Variants in CACNA1C observed in about 807,000 individuals in gnomAD.
CACNA1C encodes the protein calcium voltage-gated channel subunit alpha1 C.
CACNA1C carries 30 observed loss-of-function variants against 229.0 expected under a neutral mutation model. The observed-to-expected ratio is 0.13, with a 90% CI of 0.10 to 0.18. CACNA1C has a LOEUF of 0.18. CACNA1C is among the 10% of genes least tolerant of loss of function. The pLI is 1.00. For synonymous variants in CACNA1C, 1,114 were observed against 1,132.5 expected (o/e 0.98, Z 0.33); for missense variants, 1,658 against 2,845.0 (o/e 0.58, Z 9.49).
chr12:2,227,704 G>A (rs1403188891), intron 3 of CACNA1C, among the ~76,000 whole-genome samples: 1 of 152,074 alleles, frequency 6.6e-6, no homozygotes, highest in African/African-American at 2.4e-5. Context: ...TTTTTGGTTT[G>A]ACCTACTATA....
At chr12:2,400,051 G>C (rs976339380) in intron 3 of CACNA1C, among the ~76,000 whole-genome samples, 2 of 152,178 alleles carry the variant, frequency 1.3e-5, no homozygotes, top group Non-Finnish European at 2.9e-5. Context: ...TGAAAGCAAG[G>C]GGGGTGTATT....
chr12:2,332,903 A>G (rs986199788), intron 3 of CACNA1C, among the ~76,000 whole-genome samples: 12 of 152,212 alleles, frequency 7.9e-5, no homozygotes, highest in Non-Finnish European at 1.8e-4. Flanking sequence ...TTTTTTAGTA[A>G]TATCACATTT....
At position 2,319,136 on chromosome 12, in the gene CACNA1C, C is replaced by G. The variant is rs2095841586; in HGVS notation, c.478-129840C>G. On this transcript the variant is annotated intron_variant, in intron 3 of 46. Coordinates refer to ENST00000399655, the MANE Select transcript of CACNA1C (RefSeq NM_000719.7). The surrounding 1 kb of genome is among the most constrained non-coding windows in gnomAD (Gnocchi z 4.0). ...TCGGCTCCTTTTCCTACCCCATCAC[C>G]TACCTGTCACCTGTCCTGGGCAGGC... Among the ~76,000 whole-genome samples the G allele has an allele frequency of 6.6e-6, 1 of 152,024 alleles. No individual in the cohort carries two copies. The highest frequency in any genetic ancestry group is 6.5e-5 in the Admixed American group (1 of 15,280).
intron 5 of CACNA1C, among the ~76,000 whole-genome samples, chr12:2,480,314 C>G (rs577175476): frequency 3.9e-5 from 6 of 152,308 alleles, no homozygotes; most frequent in Non-Finnish European, 7.3e-5. Context: ...ACCAGGTCCT[C>G]TCCCCATTCA....
chr12:2,501,948 G>C (rs998463506), intron 7 of CACNA1C, among the ~76,000 whole-genome samples: 1 of 152,234 alleles, frequency 6.6e-6, no homozygotes, highest in African/African-American at 2.4e-5. Context: ...TTTAACAATT[G>C]CCGACTTCTG....
chr12:2,478,419 C>T (rs886364602), intron 5 of CACNA1C, among the ~76,000 whole-genome samples: 4 of 152,134 alleles, frequency 2.6e-5, no homozygotes, highest in Non-Finnish European at 4.4e-5. Flanking sequence ...ACTTGAGACC[C>T]GGTTAGAAAT....
intron 3 of CACNA1C, among the ~76,000 whole-genome samples, chr12:2,350,521 A>G (rs60226197): frequency 0.011 from 1,694 of 152,304 alleles, 26 homozygotes; most frequent in African/African-American, 0.038. Context: ...AGAAAGAGAA[A>G]GATCAAGGGG....
chr12:2,408,494 C>CTTT (rs61026675), intron 3 of CACNA1C, among the ~76,000 whole-genome samples: 1 of 137,680 alleles, frequency 7.3e-6, no homozygotes, highest in Non-Finnish European at 1.6e-5. Flanking sequence ...CTAATTGGGG[C>CTTT]TTTTTTTTTT....
chr12:2,370,802 A>G (rs1028262395), intron 3 of CACNA1C, among the ~76,000 whole-genome samples: 5 of 152,198 alleles, frequency 3.3e-5, no homozygotes, highest in Non-Finnish European at 7.3e-5. Flanking sequence ...GGGGGATTTC[A>G]CTGCCCCAGG....
chr12:2,440,833 TTCTCCAACTCA>T (rs2099216863), intron 3 of CACNA1C, among the ~76,000 whole-genome samples: 1 of 152,210 alleles, frequency 6.6e-6, no homozygotes, highest in South Asian at 2.1e-4. Context: ...GCCTCTTACA[TTCTCCAACTCA>T]TCGATGCGCT....
rs564990323 is a variant in CACNA1C at position 2,420,102 on chromosome 12, GGTGTGTGTGTGTGTGTGT to G, written c.478-28845_478-28828del. Reference sequence around the variant, plus strand: ...CAGGGTAATCAGACTTAGGCAAAATGGTGTGTGTGTGTGTGTGTGTGTGTGTGTGTGTGTGTGTGTGTG... The same window carrying G: ...CAGGGTAATCAGACTTAGGCAAAATGGTGTGTGTGTGTGTGTGTGTGTGTG... On this transcript the variant is annotated intron_variant, in intron 3 of 46. Coordinates refer to ENST00000399655, the MANE Select transcript of CACNA1C (RefSeq NM_000719.7). 6.4e-5 allele frequency among the ~76,000 whole-genome samples: 8 copies of G among 125,494 alleles called. No individual in the cohort carries two copies. In the South Asian group the frequency reaches 1.4e-3, roughly 21 times the overall value. The allele number at this position is 125,494 out of a possible 152,430, so 82.3% of individuals were successfully genotyped here. A position where few individuals can be genotyped will look rare whatever the true frequency, so the allele number is the denominator to read the frequency against.
chr12:2,625,492 C>T (rs946161300), intron 29 of CACNA1C, among the ~76,000 whole-genome samples: 1 of 152,186 alleles, frequency 6.6e-6, no homozygotes, highest in African/African-American at 2.4e-5. Context: ...GTCAGCCTGC[C>T]TTAGGGGCAG....
chr12:2,422,207 AATT>A (rs2098986231), intron 3 of CACNA1C, among the ~76,000 whole-genome samples: 1 of 152,226 alleles, frequency 6.6e-6, no homozygotes, highest in South Asian at 2.1e-4. Flanking sequence ...CCATAGAAAC[AATT>A]ATTCAATATA....
chr12:2,610,596 A>G lies in CACNA1C; in HGVS notation c.3614A>G (p.Lys1205Arg), dbSNP rs571534231. ...KARPLRRYIP[K>R]NQHQYKVWYV... Reference sequence around the variant, plus strand: ...CGGCCCCTGCGGAGGTACATCCCCAAGAACCAGCACCAGTACAAAGTGTGG... The same window carrying G: ...CGGCCCCTGCGGAGGTACATCCCCAGGAACCAGCACCAGTACAAAGTGTGG... Residue 1205 changes from lysine to arginine, a missense_variant, in exon 28 of 47, where the codon AAG (lysine) becomes AGG (arginine). Coordinates refer to ENST00000399655, the MANE Select transcript of CACNA1C (RefSeq NM_000719.7). 1.9e-6 allele frequency: 3 copies of G among 1,614,142 alleles called. No individual in the cohort carries two copies. Among genetic ancestry groups the G allele is most frequent in the South Asian group, 2.2e-5 (2 of 91,076 alleles).
intron 3 of CACNA1C, among the ~76,000 whole-genome samples, chr12:2,224,549 A>T (rs2062392709): frequency 6.6e-6 from 1 of 152,166 alleles, no homozygotes; most frequent in South Asian, 2.1e-4. Flanking sequence ...GCTGCATTGC[A>T]TGTTAGTAGT....
intron 3 of CACNA1C, among the ~76,000 whole-genome samples, chr12:2,326,150 G>A (rs1000106538): frequency 6.6e-6 from 1 of 152,126 alleles, no homozygotes; most frequent in African/African-American, 2.4e-5. Flanking sequence ...AGGAGGCAGG[G>A]AGAGAAAAAG....
chr12:2,184,309 A>T (rs2096932584), intron 3 of CACNA1C, among the ~76,000 whole-genome samples: 1 of 152,166 alleles, frequency 6.6e-6, no homozygotes, highest in Non-Finnish European at 1.5e-5. Flanking sequence ...ATCTTCTAGG[A>T]TGCTCCATGG....
intron 3 of CACNA1C, among the ~76,000 whole-genome samples, chr12:2,226,426 T>A (rs1258144684): frequency 1.3e-5 from 2 of 152,192 alleles, no homozygotes; most frequent in Non-Finnish European, 2.9e-5. Context: ...CAGATTTAGA[T>A]ATTCACTGTA....
intron 9 of CACNA1C, among the ~76,000 whole-genome samples, chr12:2,534,065 T>C (rs890092521): frequency 2.0e-5 from 3 of 152,008 alleles, no homozygotes; most frequent in Non-Finnish European, 4.4e-5. Flanking sequence ...TGGTCGGAGT[T>C]GGAGGGTAGG....
Sources: gnomAD v4.1 joint callset for allele counts (sites outside exome capture counted in the v4.1 genomes callset) on GRCh38, gnomAD v4.1.1 for gene constraint, Gnocchi (gnomAD v3.1) non-coding constraint, MANE v1.5 for transcripts, NCBI Gene and HGNC (gene_info 2026-07-23, HGNC 2026-07-21) for gene names.